The following SLC39A11 variants were observed in gnomAD, a reference collection of about 807,000 sequenced individuals.
The protein encoded by SLC39A11 is solute carrier family 39 member 11, also known as zinc transporter ZIP11.
Under a neutral mutation model 36.1 loss-of-function variants are expected in SLC39A11, and 33 were observed. That is an observed-to-expected ratio of 0.91 (90% CI 0.69 to 1.22). The LOEUF is 1.22. SLC39A11 is among the 50% of genes most tolerant of loss of function. SLC39A11 has a pLI of 0.00. For missense variants in SLC39A11, 432 were observed against 430.3 expected, an observed-to-expected ratio of 1.00 and a Z score of -0.03; for synonymous variants, 166 against 170.3, an observed-to-expected ratio of 0.97 and a Z score of 0.20.
intron 6 of SLC39A11, among the ~76,000 whole-genome samples, chr17:72,777,635 CAAGA>C (rs1197460407): frequency 1.3e-5 from 2 of 151,982 alleles, no homozygotes; most frequent in African/African-American, 4.8e-5. Flanking sequence ...TAGGAGAGGC[CAAGA>C]AAGGTCTTCT....
intron 5 of SLC39A11, among the ~76,000 whole-genome samples, chr17:72,939,896 T>A (rs893268095): frequency 6.6e-6 from 1 of 152,210 alleles, no homozygotes; most frequent in Non-Finnish European, 1.5e-5. Context: ...TTTGCATTAT[T>A]TTACTGGCAT....
chr17:72,908,791 G>A (rs2082804033), intron 5 of SLC39A11, among the ~76,000 whole-genome samples: 1 of 152,202 alleles, frequency 6.6e-6, no homozygotes. Flanking sequence ...CCAATTGGAT[G>A]GGTAGAAATT....
At chr17:72,968,120 T>C (rs953451624) in intron 4 of SLC39A11, among the ~76,000 whole-genome samples, 2 of 152,128 alleles carry the variant, frequency 1.3e-5, no homozygotes, top group African/African-American at 4.8e-5. Flanking sequence ...TGGAAAGCAA[T>C]GTTTGTTTTT....
At chr17:72,852,093 C>T (rs1394659102) in intron 5 of SLC39A11, among the ~76,000 whole-genome samples, 1 of 148,656 alleles carries the variant, frequency 6.7e-6, no homozygotes, top group Non-Finnish European at 1.5e-5. Flanking sequence ...CCCAGCTATT[C>T]GGGAGGCTGA....
At chr17:72,851,371 G>T (rs2079311186) in intron 5 of SLC39A11, among the ~76,000 whole-genome samples, 2 of 152,132 alleles carry the variant, frequency 1.3e-5, no homozygotes, top group Admixed American at 1.3e-4. Flanking sequence ...TTCACAGCAT[G>T]GGATGGATTT....
At chr17:72,727,651 CAAAAAAAAAAA>C (rs57874434) in intron 7 of SLC39A11, among the ~76,000 whole-genome samples, 3 of 73,226 alleles carry the variant, frequency 4.1e-5, no homozygotes, top group African/African-American at 8.5e-5. Context: ...GACTCCGTCT[CAAAAAAAAAAA>C]AAAAAAAAAA....
At chr17:72,741,004 C>A (rs2074671604) in intron 6 of SLC39A11, among the ~76,000 whole-genome samples, 1 of 151,964 alleles carries the variant, frequency 6.6e-6, no homozygotes, top group African/African-American at 2.4e-5. Context: ...GAACTCCTGA[C>A]CTCAGGTGAT....
At chr17:72,814,028 C>G (rs1017028391) in intron 6 of SLC39A11, among the ~76,000 whole-genome samples, 2 of 152,172 alleles carry the variant, frequency 1.3e-5, no homozygotes, top group African/African-American at 4.8e-5. Flanking sequence ...CTGAGAAAAA[C>G]TGTTGACATT....
At chr17:72,923,682 G>A (rs553633564) in intron 5 of SLC39A11, among the ~76,000 whole-genome samples, 1 of 152,242 alleles carries the variant, frequency 6.6e-6, no homozygotes, top group African/African-American at 2.4e-5. Context: ...CATTGCTAGG[G>A]GGATTTGGTT....
chr17:72,851,409 G>A (rs1039912257), intron 5 of SLC39A11, among the ~76,000 whole-genome samples: 2 of 152,114 alleles, frequency 1.3e-5, no homozygotes, highest in Admixed American at 6.5e-5. Context: ...GAGGAGATAG[G>A]TCTTGAGTGA....
chr17:72,844,979 T>A (rs2078985953), intron 6 of SLC39A11, among the ~76,000 whole-genome samples: 1 of 152,082 alleles, frequency 6.6e-6, no homozygotes, highest in African/African-American at 2.4e-5. Context: ...ATCCAATCCA[T>A]CGGCAAATCC....
At chr17:73,053,590 A>G (rs2059577517) in intron 3 of SLC39A11, among the ~76,000 whole-genome samples, 1 of 152,206 alleles carries the variant, frequency 6.6e-6, no homozygotes, top group Non-Finnish European at 1.5e-5. Flanking sequence ...CCATTTTACA[A>G]ATGGGGAAAC....
intron 6 of SLC39A11, among the ~76,000 whole-genome samples, chr17:72,774,262 G>A (rs1267175896): frequency 6.6e-6 from 1 of 152,218 alleles, no homozygotes; most frequent in African/African-American, 2.4e-5. Context: ...CTCAAGGTGT[G>A]TCTAATGGGA....
At chr17:72,909,629 G>C (rs576970865) in intron 5 of SLC39A11, among the ~76,000 whole-genome samples, 2 of 152,090 alleles carry the variant, frequency 1.3e-5, no homozygotes, top group Admixed American at 6.6e-5. Context: ...TTCCCAACAG[G>C]GCTGTATCTG....
At chr17:72,863,579 AC>A (rs1160118042) in intron 5 of SLC39A11, among the ~76,000 whole-genome samples, 1 of 152,008 alleles carries the variant, frequency 6.6e-6, no homozygotes, top group African/African-American at 2.4e-5. Flanking sequence ...ATTAGAGTCT[AC>A]CCCATAAACC....
chr17:72,729,438 TATATATATA>T (rs1309067309), intron 7 of SLC39A11, among the ~76,000 whole-genome samples: 16 of 4,766 alleles, frequency 3.4e-3, no homozygotes, highest in East Asian at 0.02. Context: ...TATATATATA[TATATATATA>T]TATATATATA....
chr17:73,032,135 A>G (rs547798341), intron 3 of SLC39A11, among the ~76,000 whole-genome samples: 1 of 152,170 alleles, frequency 6.6e-6, no homozygotes, highest in Admixed American at 6.5e-5. Flanking sequence ...CCTACAATGC[A>G]CAGCACACCC....
intron 3 of SLC39A11, among the ~76,000 whole-genome samples, chr17:73,056,464 C>T (rs1373223351): frequency 2.0e-5 from 3 of 152,150 alleles, no homozygotes; most frequent in Admixed American, 6.5e-5. Context: ...CCACCGCACC[C>T]GGCTGGACTC....
intron 4 of SLC39A11, among the ~76,000 whole-genome samples, chr17:72,952,099 A>ATTTAGCCT (rs1168944016): frequency 6.6e-6 from 1 of 152,056 alleles, no homozygotes; most frequent in Non-Finnish European, 1.5e-5. Context: ...TCCCTCCAAC[A>ATTTAGCCT]TTTAGCCTTC....
Sources: gnomAD v4.1 joint callset for allele counts (sites outside exome capture counted in the v4.1 genomes callset) on GRCh38, gnomAD v4.1.1 for gene constraint, MANE v1.5 for transcripts, NCBI Gene and HGNC (gene_info 2026-07-23, HGNC 2026-07-21) for gene names.